ATP5MC2: variants seen among roughly 807,000 people sequenced by gnomAD.
ATP5MC2 encodes ATP synthase membrane subunit c locus 2, also known as ATP synthase F(0) complex subunit C2, mitochondrial.
In ATP5MC2, 11 loss-of-function variants were observed where a neutral mutation model predicts 13.5. The observed-to-expected ratio is 0.81, with a 90% CI of 0.51 to 1.35. ATP5MC2 has a LOEUF of 1.35. Among genes scored for constraint, ATP5MC2 ranks in the 40% most tolerant of loss-of-function variants. The probability of loss-of-function intolerance (pLI) is 0.00; values close to 1 mark genes in which losing one functional copy is unlikely to be tolerated. For missense variants in ATP5MC2, 132 were observed against 175.0 expected, an observed-to-expected ratio of 0.75 and a Z score of 1.39; for synonymous variants, 64 against 69.7, an observed-to-expected ratio of 0.92 and a Z score of 0.41.
intron 1 of ATP5MC2, 104 bp from the exon 2 acceptor site, chr12:53,672,749 G>C: frequency 9.7e-7 from 1 of 1,028,304 alleles, no homozygotes; most frequent in Non-Finnish European, 1.4e-6. Flanking sequence ...AGAAAACAGT[G>C]ACTGACCTTA....
chr12:53,675,248 T>G (rs1174509867), intron 1 of ATP5MC2, among the ~76,000 whole-genome samples: 1 of 152,180 alleles, frequency 6.6e-6, no homozygotes, highest in Non-Finnish European at 1.5e-5. Flanking sequence ...CAGCAGAATC[T>G]GGGGAGGTTA....
upstream of ATP5MC2, chr12:53,676,414 T>A (rs1945280071): frequency 1.7e-6 from 1 of 589,880 alleles, no homozygotes; most frequent in Admixed American, 3.4e-5. Flanking sequence ...AAAACAAAAC[T>A]CCTACTCAGA....
chr12:53,676,332 GT>G, upstream of ATP5MC2: 1 of 1,324,728 alleles, frequency 7.5e-7, no homozygotes, highest in Non-Finnish European at 1.0e-6. Flanking sequence ...GTGGACTGCG[GT>G]TTGGTCTGTA....
At chr12:53,667,341 G>A (rs1944943650) in intron 4 of ATP5MC2, among the ~76,000 whole-genome samples, 1 of 152,068 alleles carries the variant, frequency 6.6e-6, no homozygotes, top group South Asian at 2.1e-4. Context: ...CCAGAGATGG[G>A]AAAAAATAGC....
In ATP5MC2 at chr12:53,672,576, C is replaced by G. The variant is rs146184917; in HGVS notation, c.39G>C (p.Leu13Phe). 2 of 1,575,448 alleles carry G rather than the reference C, an allele frequency of 1.3e-6. No individual in the cohort carries two copies. Among genetic ancestry groups the G allele is most frequent in the Non-Finnish European group, 1.7e-6 (2 of 1,159,778 alleles). ...CTCTCCCAGAAAAGCAGGTACTCAC[C>G]AAGGAGGGAGTGGAGACAAACTTGG... ...ACSKFVSTPS[L>F]VKSTSQLLSR... The change falls in exon 2 of 5, where the codon TTG (leucine) becomes TTC (phenylalanine). Residue 13 changes from leucine to phenylalanine, a missense_variant and splice_region_variant. Physicochemically the swap from Leu to Phe is conservative, Grantham distance 22 (BLOSUM62 0). Transcript: ENST00000394349.
At chr12:53,681,278 C>T (rs1402741630), upstream of ATP5MC2, among the ~76,000 whole-genome samples, 1 of 151,550 alleles carries the variant, frequency 6.6e-6, no homozygotes, top group Non-Finnish European at 1.5e-5. Flanking sequence ...GTAATCCCAG[C>T]ACTTTGGGAG....
chr12:53,679,901 A>G (rs1205986129), upstream of ATP5MC2, among the ~76,000 whole-genome samples: 5 of 152,244 alleles, frequency 3.3e-5, no homozygotes, highest in Non-Finnish European at 7.3e-5. Context: ...GGGAGGAATC[A>G]GTAGGAGAGA....
upstream of ATP5MC2, chr12:53,677,350 A>C (rs191688792): frequency 6.6e-6 from 1 of 152,372 alleles, no homozygotes; most frequent in Admixed American, 6.5e-5. Flanking sequence ...CGCCGCTGAA[A>C]GCCCACGGAG....
upstream of ATP5MC2, among the ~76,000 whole-genome samples, chr12:53,678,742 T>G (rs892202138): frequency 6.6e-6 from 1 of 152,178 alleles, no homozygotes; most frequent in Non-Finnish European, 1.5e-5. Context: ...TCTTCTTAAC[T>G]ATAGGCTTGG....
chr12:53,670,211 T>C (rs1945056601), intron 2 of ATP5MC2: 2 of 474,028 alleles, frequency 4.2e-6, no homozygotes, highest in Admixed American at 2.8e-5. Flanking sequence ...CATCCAACCT[T>C]GCTATATCCT....
chr12:53,667,468 A>G (rs1427411210), intron 4 of ATP5MC2, among the ~76,000 whole-genome samples: 1 of 152,152 alleles, frequency 6.6e-6, no homozygotes, highest in Non-Finnish European at 1.5e-5. Context: ...CTTTTGCTTT[A>G]AAACAAAAAT....
chr12:53,675,837 C>T (rs1945246355), intron 1 of ATP5MC2, among the ~76,000 whole-genome samples: 1 of 152,216 alleles, frequency 6.6e-6, no homozygotes, highest in Non-Finnish European at 1.5e-5. Flanking sequence ...GGTATCCTCC[C>T]CCTGCGAGAC....
upstream of ATP5MC2, chr12:53,676,256 G>T: frequency 1.9e-6 from 3 of 1,577,990 alleles, no homozygotes; most frequent in Non-Finnish European, 2.6e-6. Context: ...CGTTCGAGAG[G>T]AGAAACTACA....
At chr12:53,676,235 G>A (rs770745965), upstream of ATP5MC2, 1 of 1,595,720 alleles carries the variant, frequency 6.3e-7, no homozygotes, top group Non-Finnish European at 8.6e-7. Context: ...CCGGCCGGTT[G>A]CTCCACCTGG....
At chr12:53,675,621 C>T (rs1296179495) in intron 1 of ATP5MC2, among the ~76,000 whole-genome samples, 1 of 152,138 alleles carries the variant, frequency 6.6e-6, no homozygotes, top group Non-Finnish European at 1.5e-5. Flanking sequence ...TTGCTCGGAG[C>T]ACCTGAGGTT....
chr12:53,676,591 C>A, upstream of ATP5MC2: 1 of 199,856 alleles, frequency 5.0e-6, no homozygotes, highest in Non-Finnish European at 1.0e-5. Context: ...CTTCTGGTGG[C>A]TTCGCCCTTT....
chr12:53,667,847 G>A (rs563933189), intron 4 of ATP5MC2, among the ~76,000 whole-genome samples: 3 of 151,560 alleles, frequency 2.0e-5, no homozygotes, highest in Non-Finnish European at 4.4e-5. Flanking sequence ...CCCAGATTTG[G>A]CCCTTAGGCC....
intron 2 of ATP5MC2, chr12:53,670,311 T>C: frequency 2.8e-6 from 1 of 356,932 alleles, no homozygotes; most frequent in South Asian, 2.2e-5. Flanking sequence ...CTCCTCAACT[T>C]ACCATAGGGT....
Position 53,667,956 on chromosome 12 carries a change from CATATATATATATATATATATATATAT to C in ATP5MC2, c.311+1166_311+1191del, listed in dbSNP as rs772110168. On this transcript the variant is annotated intron_variant, in intron 4 of 4. Coordinates refer to ENST00000394349, the MANE Select transcript of ATP5MC2 (RefSeq NM_005176.7). ...TCTAATACATACATACATACACACA[CATATATATATATATATATATATATAT>C]ATATATATATATAAATTTTTTTTTT... 9.2e-4 allele frequency among the ~76,000 whole-genome samples: 62 copies of C among 67,370 alleles called. 3 individuals carry two copies. In the South Asian group the frequency reaches 0.014, roughly 15 times the overall value. 44.2% of individuals were successfully genotyped at this position (67,370 alleles called of 152,430 possible).
Sources: allele counts gnomAD v4.1 joint callset (sites outside exome capture counted in the v4.1 genomes callset), GRCh38; gene constraint gnomAD v4.1.1; transcripts MANE v1.5; gene names NCBI Gene and HGNC (gene_info 2026-07-23, HGNC 2026-07-21).